MAGI2: variants seen among roughly 807,000 people sequenced by gnomAD.
MAGI2 encodes the protein membrane-associated guanylate kinase, WW and PDZ domain-containing protein 2.
Under a neutral mutation model 133.3 loss-of-function variants are expected in MAGI2, and 35 were observed. That is an observed-to-expected ratio of 0.26 (90% confidence interval 0.20 to 0.35). The LOEUF (loss-of-function observed/expected upper bound fraction) is 0.35. Among genes scored for constraint, MAGI2 ranks in the 10% least tolerant of loss-of-function variants. The pLI is 1.00. For missense variants in MAGI2, 1,636 were observed against 1,863.4 expected (o/e 0.88, Z 2.25); for synonymous variants, 729 against 710.6 (o/e 1.03, Z -0.41).
At chr7:79,437,447 A>G (rs1848225520) in intron 1 of MAGI2, among the ~76,000 whole-genome samples, 1 of 152,174 alleles carries the variant, frequency 6.6e-6, no homozygotes, top group Admixed American at 6.6e-5. Flanking sequence ...ACACACATGC[A>G]TACACACACA....
At chr7:79,432,599 A>G (rs1324009548) in intron 1 of MAGI2, among the ~76,000 whole-genome samples, 1 of 152,148 alleles carries the variant, frequency 6.6e-6, no homozygotes, top group Non-Finnish European at 1.5e-5. Flanking sequence ...CTTGCTTTTC[A>G]GAAAAAACAA....
chr7:78,977,958 T>C (rs1804441153), intron 2 of MAGI2, among the ~76,000 whole-genome samples: 1 of 151,574 alleles, frequency 6.6e-6, no homozygotes, highest in African/African-American at 2.4e-5. Flanking sequence ...AAATGCAAAT[T>C]AAAACAACAA....
intron 9 of MAGI2, among the ~76,000 whole-genome samples, chr7:78,315,276 A>G (rs1787294156): frequency 6.6e-6 from 1 of 152,172 alleles, no homozygotes; most frequent in African/African-American, 2.4e-5. Flanking sequence ...TGGGCTCAGG[A>G]CGTCTGTGGG....
intron 1 of MAGI2, among the ~76,000 whole-genome samples, chr7:79,165,303 G>C (rs76925858): frequency 6.6e-6 from 1 of 151,404 alleles, no homozygotes; most frequent in Middle Eastern, 3.2e-3. Context: ...TATATGTGCT[G>C]TACTAATAGA....
At chr7:78,099,659 C>T (rs555679587) in intron 20 of MAGI2, among the ~76,000 whole-genome samples, 99 of 152,278 alleles carry the variant, frequency 6.5e-4, no homozygotes, top group Admixed American at 1.4e-3. Flanking sequence ...CACCTTGCTG[C>T]ACCAAGAAAC....
chr7:79,349,702 C>T (rs1259655925), intron 1 of MAGI2, among the ~76,000 whole-genome samples: 1 of 152,030 alleles, frequency 6.6e-6, no homozygotes, highest in Non-Finnish European at 1.5e-5. Context: ...CTGCCACATC[C>T]TACTGACCCT....
intron 2 of MAGI2, among the ~76,000 whole-genome samples, chr7:78,671,293 T>A (rs1430618962): frequency 6.6e-6 from 1 of 151,998 alleles, no homozygotes; most frequent in South Asian, 2.1e-4. Flanking sequence ...TTTTTTTTTT[T>A]TTAAGATAGC....
At chr7:78,388,777 T>A (rs757929727) in intron 6 of MAGI2, among the ~76,000 whole-genome samples, 2 of 152,182 alleles carry the variant, frequency 1.3e-5, no homozygotes, top group South Asian at 4.1e-4. Flanking sequence ...TAAATGACTA[T>A]TTTTAAAGAT....
At chr7:79,277,621 T>C (rs1051787009) in intron 1 of MAGI2, among the ~76,000 whole-genome samples, 6 of 152,170 alleles carry the variant, frequency 3.9e-5, no homozygotes, top group African/African-American at 9.7e-5. Context: ...GCTCACAGTC[T>C]GGTACTTAAA....
intron 1 of MAGI2, among the ~76,000 whole-genome samples, chr7:79,022,049 G>T (rs1418946473): frequency 6.6e-6 from 1 of 152,082 alleles, no homozygotes; most frequent in Non-Finnish European, 1.5e-5. Context: ...GTGAAAAGGT[G>T]CCCTCCACCA....
chr7:78,278,492 G>A (rs1484118694), intron 9 of MAGI2, among the ~76,000 whole-genome samples: 1 of 152,164 alleles, frequency 6.6e-6, no homozygotes, highest in Non-Finnish European at 1.5e-5. Flanking sequence ...AAATATAGAT[G>A]TGGAAGATTT....
intron 6 of MAGI2, among the ~76,000 whole-genome samples, chr7:78,407,534 G>A (rs1488806754): frequency 6.6e-6 from 1 of 151,960 alleles, no homozygotes; most frequent in Admixed American, 6.6e-5. Context: ...CTCAAAAAGG[G>A]AATGATGCTG....
chr7:79,081,476 A>G (rs1161710244), intron 1 of MAGI2, among the ~76,000 whole-genome samples: 1 of 152,192 alleles, frequency 6.6e-6, no homozygotes, highest in African/African-American at 2.4e-5. Context: ...CATCACTAGC[A>G]TATGCATTGC....
intron 6 of MAGI2, among the ~76,000 whole-genome samples, chr7:78,462,029 G>A (rs1291386052): frequency 6.7e-6 from 1 of 149,674 alleles, no homozygotes; most frequent in African/African-American, 2.5e-5. Flanking sequence ...TGATTTTCAA[G>A]CACTTATGAT....
chr7:79,449,897 T>TATATATATATATATATATATATAA (rs1491494586), intron 1 of MAGI2, among the ~76,000 whole-genome samples: 3,061 of 131,264 alleles, frequency 0.023, 90 homozygotes, highest in Non-Finnish European at 0.035. Context: ...TATATATATA[T>TATATATATATATATATATATATAA]AATGTCTTAA....
chr7:78,448,188 T>G lies in MAGI2; in HGVS notation c.1045+41573A>C, dbSNP rs777391733. Among the ~76,000 whole-genome samples, 12 of 152,216 alleles carry G rather than the reference T, an allele frequency of 7.9e-5. No homozygotes were observed. In the South Asian group the frequency reaches 2.3e-3, roughly 29 times the overall value. ...ATTCACTGATGTACACTTAGGTTGA[T>G]TCCATTATCTCCATATCTTACCTAC... is the stretch of plus-strand genomic sequence containing the variant. On this transcript the variant is annotated intron_variant, in intron 6 of 21. Coordinates refer to ENST00000354212, the MANE Select transcript of MAGI2 (RefSeq NM_012301.4).
intron 2 of MAGI2, among the ~76,000 whole-genome samples, chr7:78,871,167 C>T (rs79688459): frequency 0.055 from 8,378 of 151,974 alleles, 512 homozygotes; most frequent in East Asian, 0.21. Context: ...AAAAACTAGC[C>T]GGGCGTGGTG....
intron 3 of MAGI2, chr7:78,617,384 G>A (rs567265858): frequency 6.6e-6 from 1 of 152,078 alleles, no homozygotes; most frequent in African/African-American, 2.4e-5. Context: ...TCCTTTCATG[G>A]AATCAGTTCT....
At chr7:78,346,935 A>C (rs1367510935) in intron 7 of MAGI2, among the ~76,000 whole-genome samples, 1 of 152,208 alleles carries the variant, frequency 6.6e-6, no homozygotes, top group Non-Finnish European at 1.5e-5. Context: ...AATACTGAGT[A>C]CTTAACTCTT....
Sources: gnomAD v4.1 joint callset for allele counts (sites outside exome capture counted in the v4.1 genomes callset) on GRCh38, gnomAD v4.1.1 for gene constraint, MANE v1.5 for transcripts, NCBI Gene and HGNC (gene_info 2026-07-23, HGNC 2026-07-21) for gene names.